SOX6: variants seen among roughly 807,000 people sequenced by gnomAD.
SOX6 encodes SRY-box transcription factor 6, also known as transcription factor SOX-6.
In SOX6, 11 loss-of-function variants were observed where a neutral mutation model predicts 97.8. That is an observed-to-expected ratio of 0.11 (90% CI 0.07 to 0.19). The LOEUF is 0.19. Among genes scored for constraint, SOX6 ranks in the 10% least tolerant of loss-of-function variants. The pLI, the probability that SOX6 is intolerant of heterozygous loss-of-function variation, is 1.00. For synonymous variants in SOX6, 360 were observed against 371.4 expected (o/e 0.97, Z 0.35); for missense variants, 810 against 1,039.5 (o/e 0.78, Z 3.04).
Position 16,459,398 on chromosome 11 carries a change from G to A in SOX6, c.-5+16917C>T, listed in dbSNP as rs376368623. ...ACAAAAATACTGAGCACTTAAAATC[G>A]TGAAATTTACACTCTCTGGCATCTA... On this transcript the variant is annotated intron_variant, in intron 1 of 15. Transcript: ENST00000396356. Among the ~76,000 whole-genome samples, 212 of 151,918 alleles carry A rather than the reference G, an allele frequency of 1.4e-3. 1 individual carries two copies. Among genetic ancestry groups the A allele is most frequent in the South Asian group, 8.7e-3 (42 of 4,816 alleles).
At chr11:16,481,174 C>A (rs1860339111), upstream of SOX6, among the ~76,000 whole-genome samples, 1 of 151,990 alleles carries the variant, frequency 6.6e-6, no homozygotes. Context: ...CTAGATTAAA[C>A]CCATGTTTAT....
intron 3 of SOX6, among the ~76,000 whole-genome samples, chr11:16,648,214 C>G (rs1286162042): frequency 6.6e-6 from 1 of 152,110 alleles, no homozygotes; most frequent in Admixed American, 6.5e-5. Flanking sequence ...TATGTGGGAG[C>G]TAGCTGAGGC....
At chr11:16,578,799 A>G (rs1848006491) in intron 4 of SOX6, among the ~76,000 whole-genome samples, 2 of 152,194 alleles carry the variant, frequency 1.3e-5, no homozygotes, top group Admixed American at 6.5e-5. Context: ...AAACACAATG[A>G]GAGATCCTAA....
At chr11:16,085,140 C>A (rs1202861103) in intron 9 of SOX6, among the ~76,000 whole-genome samples, 1 of 152,106 alleles carries the variant, frequency 6.6e-6, no homozygotes, top group Non-Finnish European at 1.5e-5. Flanking sequence ...GGCCCTGGAA[C>A]AAACCCCTAT....
At chr11:16,484,533 G>A in intron 4 of SOX6, 1 of 784,752 alleles carries the variant, frequency 1.3e-6, no homozygotes, top group Non-Finnish European at 2.4e-6. Flanking sequence ...TGGTACACAT[G>A]GGCACAGTCG....
intron 13 of SOX6, among the ~76,000 whole-genome samples, chr11:15,993,751 G>A (rs1006031762): frequency 6.6e-6 from 1 of 152,182 alleles, no homozygotes; most frequent in African/African-American, 2.4e-5. Flanking sequence ...AATAGAAATT[G>A]CCAAGGCAAA....
intron 9 of SOX6, among the ~76,000 whole-genome samples, chr11:16,076,304 C>T (rs1848350163): frequency 2.0e-5 from 3 of 149,656 alleles, no homozygotes; most frequent in Admixed American, 1.3e-4. Flanking sequence ...AAATTATCAA[C>T]AGAATAAATA....
chr11:16,188,719 G>A (rs1432418373), intron 4 of SOX6, among the ~76,000 whole-genome samples: 1 of 152,098 alleles, frequency 6.6e-6, no homozygotes, highest in African/African-American at 2.4e-5. Context: ...GGACAGCATG[G>A]CAAGTAGAAG....
chr11:16,164,491 A>G (rs545431155), intron 6 of SOX6, among the ~76,000 whole-genome samples: 1 of 152,294 alleles, frequency 6.6e-6, no homozygotes, highest in African/African-American at 2.4e-5. Context: ...CTCGCATTTT[A>G]AAATACATGG....
chr11:16,261,094 T>A (rs1565054790), intron 3 of SOX6, among the ~76,000 whole-genome samples: 1 of 152,174 alleles, frequency 6.6e-6, no homozygotes, highest in Non-Finnish European at 1.5e-5. Context: ...CATTGTAATA[T>A]TATATTACCT....
At chr11:16,410,583 C>T (rs1460036394) in intron 1 of SOX6, among the ~76,000 whole-genome samples, 1 of 151,456 alleles carries the variant, frequency 6.6e-6, no homozygotes, top group African/African-American at 2.4e-5. Flanking sequence ...GAAGTGAAAC[C>T]TCATCTCTAC....
At chr11:16,205,338 C>T (rs982473311) in intron 4 of SOX6, among the ~76,000 whole-genome samples, 3 of 152,078 alleles carry the variant, frequency 2.0e-5, no homozygotes, top group Non-Finnish European at 4.4e-5. Context: ...ATGCCCATCA[C>T]TGATCAAATT....
chr11:16,372,268 T>C (rs577358300), intron 1 of SOX6, among the ~76,000 whole-genome samples: 38 of 152,200 alleles, frequency 2.5e-4, no homozygotes, highest in African/African-American at 9.1e-4. Flanking sequence ...AAGCAAGTTA[T>C]TCAATTCTGC....
chr11:16,697,576 C>A (rs1848063320), intron 3 of SOX6, among the ~76,000 whole-genome samples: 1 of 152,186 alleles, frequency 6.6e-6, no homozygotes, highest in Admixed American at 6.5e-5. Context: ...CTTCACTGCA[C>A]TCCAGCCTGG....
At chr11:16,721,464 T>C (rs1848260609) in intron 2 of SOX6, among the ~76,000 whole-genome samples, 1 of 150,144 alleles carries the variant, frequency 6.7e-6, no homozygotes, top group Non-Finnish European at 1.5e-5. Context: ...CGCCTGAATT[T>C]TGATTCAGTG....
At chr11:16,033,261 T>C (rs1326067745) in intron 12 of SOX6, among the ~76,000 whole-genome samples, 1 of 152,190 alleles carries the variant, frequency 6.6e-6, no homozygotes, top group African/African-American at 2.4e-5. Context: ...ACATATATTA[T>C]CTTATTTAAT....
intron 4 of SOX6, among the ~76,000 whole-genome samples, chr11:16,220,426 G>A (rs948778738): frequency 9.2e-5 from 14 of 151,930 alleles, no homozygotes; most frequent in African/African-American, 3.4e-4. Flanking sequence ...TATTTACCAG[G>A]CCTAGATTAT....
At chr11:16,518,262 G>T (rs1017876157) in intron 4 of SOX6, among the ~76,000 whole-genome samples, 15 of 151,760 alleles carry the variant, frequency 9.9e-5, no homozygotes, top group African/African-American at 3.6e-4. Context: ...CTCCCTTCAG[G>T]GCTTTATTTA....
chr11:16,230,813 A>T (rs1434709945), intron 4 of SOX6, among the ~76,000 whole-genome samples: 1 of 151,750 alleles, frequency 6.6e-6, no homozygotes, highest in African/African-American at 2.4e-5. Context: ...AGTTACAGTG[A>T]TTAATATAGC....
Sources: gnomAD v4.1 joint callset for allele counts (sites outside exome capture counted in the v4.1 genomes callset) on GRCh38, gnomAD v4.1.1 for gene constraint, MANE v1.5 for transcripts, NCBI Gene and HGNC (gene_info 2026-07-23, HGNC 2026-07-21) for gene names.